The following WDPCP variants were observed in gnomAD, a reference collection of about 807,000 sequenced individuals.
WDPCP encodes the protein WD repeat-containing and planar cell polarity effector protein fritz homolog.
In WDPCP, 71 loss-of-function variants were observed where a neutral mutation model predicts 93.1. The ratio of observed to expected loss-of-function variants is 0.76; its 90% CI spans 0.63 to 0.93. The LOEUF is 0.93. WDPCP is among the 40% of genes least tolerant of loss of function. WDPCP has a pLI of 0.00. For missense variants in WDPCP, 844 were observed against 887.4 expected, an observed-to-expected ratio of 0.95 and a Z score of 0.62; for synonymous variants, 315 against 315.0, an observed-to-expected ratio of 1.00 and a Z score of 0.00.
At chr2:63,311,460 A>G (rs1035534686) in intron 13 of WDPCP, among the ~76,000 whole-genome samples, 11 of 152,196 alleles carry the variant, frequency 7.2e-5, no homozygotes, top group African/African-American at 2.7e-4. Context: ...TAATGCTCTC[A>G]ATATTTTGAG....
intron 9 of WDPCP, among the ~76,000 whole-genome samples, chr2:63,417,876 A>G (rs1034039030): frequency 2.6e-5 from 4 of 151,394 alleles, no homozygotes; most frequent in African/African-American, 9.7e-5. Flanking sequence ...GAAATGGACA[A>G]TCATCAATAA....
At chr2:63,653,636 C>T (rs764206569) in intron 2 of WDPCP, among the ~76,000 whole-genome samples, 2 of 152,320 alleles carry the variant, frequency 1.3e-5, no homozygotes, top group Admixed American at 6.5e-5. Flanking sequence ...AGAGGCCACA[C>T]ACGTTGGCTC....
rs142384779 is a variant in WDPCP, at chr2:63,653,785, C to G, written n.309-2947G>C. Among the ~76,000 whole-genome samples the G allele has an allele frequency of 1.9e-3, 292 of 152,080 alleles. 3 individuals are homozygous for G. Among genetic ancestry groups the G allele is most frequent in the African/African-American group, 6.5e-3 (268 of 41,490 alleles). ...AATTAGCCAGGTGTAATGGCGGTGCCTATAATCCCAGTTACTCGGGAGGCT... is the reference window on the plus strand; with the variant it reads ...AATTAGCCAGGTGTAATGGCGGTGCGTATAATCCCAGTTACTCGGGAGGCT... On this transcript the variant is annotated intron_variant and non_coding_transcript_variant, in intron 2 of 4. Transcript: ENST00000467687.
chr2:63,438,827 C>T (rs889890837), intron 7 of WDPCP, among the ~76,000 whole-genome samples: 5 of 152,078 alleles, frequency 3.3e-5, no homozygotes, highest in African/African-American at 1.2e-4. Context: ...CTAGGACATA[C>T]TTCCTTTGAT....
chr2:63,631,982 C>A (rs543289021), intron 3 of WDPCP, among the ~76,000 whole-genome samples: 67 of 152,266 alleles, frequency 4.4e-4, no homozygotes, highest in African/African-American at 1.6e-3. Flanking sequence ...GCCACAGACT[C>A]CCCAGAGAGA....
At chr2:63,212,128 T>C (rs185250295) in intron 14 of WDPCP, among the ~76,000 whole-genome samples, 84 of 152,136 alleles carry the variant, frequency 5.5e-4, no homozygotes, top group African/African-American at 1.9e-3. Flanking sequence ...ACGCCACAGA[T>C]ACTCCTCGAG....
chr2:63,717,099 C>T (rs918210463), intron 2 of WDPCP: 3 of 310,786 alleles, frequency 9.7e-6, no homozygotes, highest in African/African-American at 2.2e-5. Context: ...CTTCTGTCTC[C>T]ACTATATTCT....
chr2:63,192,115 A>G (rs1675098078), intron 14 of WDPCP, among the ~76,000 whole-genome samples: 1 of 152,068 alleles, frequency 6.6e-6, no homozygotes, highest in South Asian at 2.1e-4. Context: ...TTGCTATCCT[A>G]TCTTAACATG....
chr2:63,619,089 A>G (rs903876345), intron 3 of WDPCP, among the ~76,000 whole-genome samples: 4 of 152,198 alleles, frequency 2.6e-5, no homozygotes, highest in South Asian at 2.1e-4. Flanking sequence ...AAACAGAACC[A>G]CTATCAGGTC....
chr2:63,259,946 G>C (rs1158573381), intron 13 of WDPCP, among the ~76,000 whole-genome samples: 2 of 152,158 alleles, frequency 1.3e-5, no homozygotes, highest in African/African-American at 4.8e-5. Context: ...TATGCCCAGT[G>C]GGGAGAGAGA....
chr2:63,304,383 T>C (rs1471971596), intron 13 of WDPCP, among the ~76,000 whole-genome samples: 1 of 152,106 alleles, frequency 6.6e-6, no homozygotes, highest in Non-Finnish European at 1.5e-5. Flanking sequence ...CTGAGGTACC[T>C]GATTCATCAA....
intron 3 of WDPCP, chr2:63,599,205 C>T (rs1165378920): frequency 3.7e-6 from 6 of 1,613,770 alleles, no homozygotes; most frequent in Middle Eastern, 3.3e-4. Flanking sequence ...ATACCAACTG[C>T]CTGACTGCTT....
chr2:63,717,834 C>T (rs745358745), intron 2 of WDPCP: 10 of 232,868 alleles, frequency 4.3e-5, no homozygotes, highest in Admixed American at 1.1e-4. Flanking sequence ...AAGGCGAGCC[C>T]GAGGCCTCCC....
intron 2 of WDPCP, among the ~76,000 whole-genome samples, chr2:63,747,602 T>G (rs1349816858): frequency 2.0e-5 from 3 of 151,994 alleles, no homozygotes; most frequent in Non-Finnish European, 4.4e-5. Flanking sequence ...TATGTCAGTG[T>G]CTATTTCTGG....
At chr2:63,239,378 ATTCCCCT>A (rs1241132506) in intron 14 of WDPCP, among the ~76,000 whole-genome samples, 2 of 152,160 alleles carry the variant, frequency 1.3e-5, no homozygotes, top group Non-Finnish European at 1.5e-5. Context: ...TTCTTTCCAA[ATTCCCCT>A]TGAGAATATA....
At chr2:63,224,668 A>C (rs941470434) in intron 14 of WDPCP, among the ~76,000 whole-genome samples, 7 of 152,038 alleles carry the variant, frequency 4.6e-5, no homozygotes, top group African/African-American at 1.4e-4. Context: ...CAACTATGTG[A>C]CATTCTAGAA....
intron 3 of WDPCP, among the ~76,000 whole-genome samples, chr2:63,598,421 G>A (rs930331636): frequency 1.9e-4 from 29 of 152,174 alleles, no homozygotes; most frequent in African/African-American, 2.7e-4. Context: ...GAGCCACCAC[G>A]CCCAGCCAAA....
intron 13 of WDPCP, among the ~76,000 whole-genome samples, chr2:63,291,133 T>C (rs529498891): frequency 3.3e-5 from 5 of 152,202 alleles, no homozygotes; most frequent in Non-Finnish European, 7.4e-5. Context: ...TTATGTCCAA[T>C]CTTCTACTGA....
intron 2 of WDPCP, among the ~76,000 whole-genome samples, chr2:63,687,014 C>G (rs1302519909): frequency 6.6e-6 from 1 of 152,180 alleles, no homozygotes; most frequent in Non-Finnish European, 1.5e-5. Context: ...TGGGCCACAT[C>G]AGAAGAAGAA....
Sources: gnomAD v4.1 joint callset for allele counts (sites outside exome capture counted in the v4.1 genomes callset) on GRCh38, gnomAD v4.1.1 for gene constraint, MANE v1.5 for transcripts, NCBI Gene and HGNC (gene_info 2026-07-23, HGNC 2026-07-21) for gene names.